CFAP47: variants seen among roughly 807,000 people sequenced by gnomAD.
CFAP47 encodes cilia- and flagella-associated protein 47.
Under a neutral mutation model 148.1 loss-of-function variants are expected in CFAP47, and 29 were observed. The observed-to-expected ratio is 0.20, with a 90% CI of 0.15 to 0.27. The LOEUF (loss-of-function observed/expected upper bound fraction) is 0.27, where lower values mean the gene tolerates loss of function less well. Ranked by LOEUF, CFAP47 falls within the 10% of genes least tolerant of loss-of-function variation. The pLI, the probability that CFAP47 is intolerant of heterozygous loss-of-function variation, is 1.00. For synonymous variants in CFAP47, 664 were observed against 577.3 expected, an observed-to-expected ratio of 1.15 and a Z score of -2.15; for missense variants, 1,872 against 1,697.5, an observed-to-expected ratio of 1.10 and a Z score of -1.81.
intron 22 of CFAP47, among the ~76,000 whole-genome samples, chrX:36,019,590 C>T (rs1342826422): frequency 1.8e-5 from 2 of 111,721 alleles, no homozygotes; most frequent in African/African-American, 6.5e-5. Flanking sequence ...GAGAGGTTGT[C>T]GCTATTACTA....
intron 2 of CFAP47, among the ~76,000 whole-genome samples, chrX:35,937,062 A>G (rs1262834286): frequency 2.9e-5 from 3 of 103,977 alleles, no homozygotes; most frequent in Non-Finnish European, 5.8e-5. Flanking sequence ...TTGAGCCAGC[A>G]GTGACAAAGA....
At chrX:35,948,244 CCCCT>C (rs1176416799) in intron 3 of CFAP47, 66 bp from the exon 4 acceptor site, 91 of 966,955 alleles carry the variant, frequency 9.4e-5, no homozygotes, top group Non-Finnish European at 1.3e-4. Flanking sequence ...GTATGTTGGT[CCCCT>C]ACTGAGAGTG....
chrX:36,164,365 G>A lies in CFAP47; in HGVS notation c.6026+3596G>A, dbSNP rs755576109. 2.1e-3 allele frequency among the ~76,000 whole-genome samples: 229 copies of A among 111,189 alleles called. 2 individuals carry two copies. Among genetic ancestry groups the A allele is most frequent in the Middle Eastern group, 9.5e-3 (2 of 210 alleles). On this transcript the variant is annotated intron_variant, in intron 39 of 63. Coordinates refer to ENST00000378653, the MANE Select transcript of CFAP47 (RefSeq NM_001304548.2). The stretch of plus-strand genomic sequence containing the variant: ...GTCTTTTGGTGCTCTAAAATTCAGT[G>A]AATATATATTTATAGTAATTTTATC...
At chrX:36,062,774 TTCTAA>T (rs1290602603) in intron 26 of CFAP47, among the ~76,000 whole-genome samples, 13 of 111,422 alleles carry the variant, frequency 1.2e-4, no homozygotes, top group Non-Finnish European at 3.8e-5. Flanking sequence ...AATGAAAATT[TTCTAA>T]AGTTAGATAA....
chrX:36,359,987 T>C (rs1200917828), intron 60 of CFAP47, among the ~76,000 whole-genome samples: 2 of 111,104 alleles, frequency 1.8e-5, no homozygotes, highest in African/African-American at 6.5e-5. Flanking sequence ...TCTCCTGACC[T>C]TGTGATCCAC....
intron 40 of CFAP47, among the ~76,000 whole-genome samples, chrX:36,182,007 T>G (rs1442435301): frequency 8.9e-6 from 1 of 112,403 alleles, no homozygotes; most frequent in East Asian, 2.8e-4. Flanking sequence ...AGAGAAGAAG[T>G]TACTATGGCT....
chrX:36,227,614 G>A (rs781830329), intron 45 of CFAP47, among the ~76,000 whole-genome samples: 2 of 111,900 alleles, frequency 1.8e-5, no homozygotes, highest in East Asian at 5.6e-4. Flanking sequence ...TTTCACATTT[G>A]AAGTGTTCAC....
rs1569213141 is a variant in CFAP47 at position 35,953,670 on chromosome X, A to T, written c.1125A>T (p.Val375=). 8 of 1,199,607 alleles carry T rather than the reference A, an allele frequency of 6.7e-6. No individual in the cohort carries two copies. Among genetic ancestry groups the T allele is most frequent in the Non-Finnish European group, 7.9e-6 (7 of 886,960 alleles). ...DYALFLRFES[V]GSKDGFLRDD... ...CTCTCTTTTTGAGATTTGAGTCCGT[A>T]GGAAGTAAAGATGGATTTTTGAGAG... The change falls in exon 7 of 64, where the codon GTA becomes GTT. Residue 375 remains valine, a synonymous_variant. Transcript: ENST00000378653.
chrX:35,961,343 A>G (rs1024731511), intron 8 of CFAP47, among the ~76,000 whole-genome samples: 1 of 111,710 alleles, frequency 9.0e-6, no homozygotes, highest in African/African-American at 3.2e-5. Flanking sequence ...CACAGAATGA[A>G]TTGAGAATAC....
chrX:36,037,623 A>G (rs777875658), intron 24 of CFAP47, among the ~76,000 whole-genome samples: 4 of 111,115 alleles, frequency 3.6e-5, no homozygotes, highest in Non-Finnish European at 7.5e-5. Flanking sequence ...TAAAAAGGGT[A>G]TGATTGAATC....
At position 36,350,112 on chromosome X, in the gene CFAP47, C is replaced by G. The variant is rs1556017243; in HGVS notation, c.8678C>G (p.Pro2893Arg). 1.7e-6 allele frequency: 2 copies of G among 1,149,412 alleles called. No individual in the cohort carries two copies. Among genetic ancestry groups the G allele is most frequent in the African/African-American group, 1.8e-5 (1 of 55,124 alleles). 94.7% of individuals were successfully genotyped at this position (1,149,412 alleles called of 1,213,427 possible). ...IYPIVGLPQA[P>R]PPKSPPVVIQ... ...CCTATTGTTGGACTCCCACAAGCAC[C>G]ACCTCCTAAATCTCCCCCAGGTAGG... Residue 2893 changes from proline to arginine, a missense_variant, in exon 59 of 64, where the codon CCA becomes CGA. By Grantham distance (103) the Pro-to-Arg change is moderately radical (BLOSUM62 -2). Transcript: ENST00000378653.
At chrX:36,005,837 ATAAAT>A (rs1422866900) in intron 21 of CFAP47, among the ~76,000 whole-genome samples, 10 of 111,478 alleles carry the variant, frequency 9.0e-5, no homozygotes, top group Non-Finnish European at 1.7e-4. Flanking sequence ...TAGTATTCTG[ATAAAT>A]TAAGGTATGT....
intron 44 of CFAP47, among the ~76,000 whole-genome samples, chrX:36,201,714 A>C (rs1203431065): frequency 5.4e-5 from 6 of 111,961 alleles, no homozygotes; most frequent in African/African-American, 1.9e-4. Context: ...ATGTAATTTA[A>C]GGCATTACAG....
rs755251266 is a variant in CFAP47, at chrX:35,966,690, A to G, written c.1536A>G (p.Val512=). 2.5e-6 allele frequency: 3 copies of G among 1,183,156 alleles called. No homozygotes were observed. In the Admixed American group the frequency reaches 6.9e-5, roughly 27 times the overall value. Residue 512 remains valine (V), a synonymous_variant, in exon 9 of 64, where the codon GTA becomes GTG. Transcript: ENST00000378653. The part of the protein sequence containing the change: ...QSLSVKSFHH[V]YLAFNSICKA... ...TGTCGGTAAAATCTTTCCATCACGT[A>G]TATTTAGCTTTCAACAGCATCTGTA...
intron 61 of CFAP47, among the ~76,000 whole-genome samples, chrX:36,366,620 A>C (rs1941879272): frequency 9.1e-6 from 1 of 110,335 alleles, no homozygotes. Context: ...ATTTTGCCAA[A>C]TCCACCCTTA....
intron 33 of CFAP47, among the ~76,000 whole-genome samples, chrX:36,116,372 A>G (rs1406503713): frequency 8.9e-6 from 1 of 112,183 alleles, no homozygotes; most frequent in Non-Finnish European, 1.9e-5. Context: ...AGCTCCATCC[A>G]CGTTCCTGCA....
chrX:35,969,112 A>C (rs1936452724), intron 10 of CFAP47, among the ~76,000 whole-genome samples: 1 of 110,955 alleles, frequency 9.0e-6, no homozygotes, highest in South Asian at 3.7e-4. Context: ...GAATTTTAAA[A>C]ATAAGGCCAA....
chrX:36,038,300 C>G (rs1303441981), intron 24 of CFAP47, among the ~76,000 whole-genome samples: 1 of 111,921 alleles, frequency 8.9e-6, no homozygotes, highest in Non-Finnish European at 1.9e-5. Context: ...ATCACTGGGT[C>G]ACTCTTTTCT....
chrX:36,327,777 A>T (rs782165025), intron 57 of CFAP47, among the ~76,000 whole-genome samples: 2 of 112,375 alleles, frequency 1.8e-5, no homozygotes, highest in Non-Finnish European at 3.8e-5. Flanking sequence ...TCATGCAGCA[A>T]TAAAAAACAA....
Sources: allele counts gnomAD v4.1 joint callset (sites outside exome capture counted in the v4.1 genomes callset), GRCh38; gene constraint gnomAD v4.1.1; transcripts MANE v1.5; gene names NCBI Gene and HGNC (gene_info 2026-07-23, HGNC 2026-07-21).